FGD4: variants seen among roughly 807,000 people sequenced by gnomAD.
FGD4 encodes the protein FYVE, RhoGEF and PH domain containing 4.
In FGD4, 42 loss-of-function variants were observed where a neutral mutation model predicts 102.0. The ratio of observed to expected loss-of-function variants is 0.41; its 90% CI spans 0.32 to 0.53. The LOEUF is 0.53. FGD4 is among the 20% of genes least tolerant of loss of function. The probability of loss-of-function intolerance (pLI) is 0.21; values close to 1 mark genes in which losing one functional copy is unlikely to be tolerated. For missense variants in FGD4, 902 were observed against 1,078.2 expected, an observed-to-expected ratio of 0.84 and a Z score of 2.29; for synonymous variants, 380 against 375.7, an observed-to-expected ratio of 1.01 and a Z score of -0.13.
chr12:32,584,508 G>C (rs978086813), intron 4 of FGD4, among the ~76,000 whole-genome samples: 1 of 152,048 alleles, frequency 6.6e-6, no homozygotes, highest in Non-Finnish European at 1.5e-5. Flanking sequence ...GTATGAGCTT[G>C]AACAAGTCAA....
At chr12:32,402,416 A>G (rs1415416052) in intron 1 of FGD4, among the ~76,000 whole-genome samples, 2 of 149,526 alleles carry the variant, frequency 1.3e-5, no homozygotes, top group Middle Eastern at 3.2e-3. Flanking sequence ...AGGGAGAGGG[A>G]GAGAGAGAGA....
rs113353069 is a variant in FGD4, at chr12:32,590,125, T to C, written c.1011+7658T>C. Among the ~76,000 whole-genome samples, 666 of 152,094 alleles carry C rather than the reference T, an allele frequency of 4.4e-3. 7 individuals carry two copies. The highest frequency in any genetic ancestry group is 0.015 in the African/African-American group (637 of 41,484). ...GAGTTCTAGACCAGCCTGGCCAACA[T>C]GGTGAAACCTCGTCTCTACTAAAAA... On this transcript the variant is annotated intron_variant, in intron 4 of 16. Coordinates refer to ENST00000534526, the MANE Select transcript of FGD4 (RefSeq NM_001370298.3).
At chr12:32,504,585 C>A (rs761872720) in intron 1 of FGD4, among the ~76,000 whole-genome samples, 6 of 152,210 alleles carry the variant, frequency 3.9e-5, no homozygotes, top group Admixed American at 2.0e-4. Flanking sequence ...TTTCTTCCAA[C>A]TTTTCCAACT....
intron 1 of FGD4, among the ~76,000 whole-genome samples, chr12:32,560,328 T>C (rs1257013433): frequency 6.6e-6 from 1 of 152,218 alleles, no homozygotes; most frequent in East Asian, 1.9e-4. Flanking sequence ...CACGGCTCAC[T>C]GTGGCCTCAA....
intron 1 of FGD4, among the ~76,000 whole-genome samples, chr12:32,534,739 C>T (rs1357024291): frequency 6.6e-6 from 1 of 152,104 alleles, no homozygotes; most frequent in Non-Finnish European, 1.5e-5. Flanking sequence ...GTTTCTCTGG[C>T]TTATTTTTAT....
chr12:32,523,102 C>T (rs1417757847), intron 1 of FGD4, among the ~76,000 whole-genome samples: 1 of 152,110 alleles, frequency 6.6e-6, no homozygotes, highest in Admixed American at 6.5e-5. Context: ...CTGTAAACCC[C>T]CTCCCGGGTC....
chr12:32,595,044 A>C (rs1010783427), intron 4 of FGD4, among the ~76,000 whole-genome samples: 8 of 151,734 alleles, frequency 5.3e-5, no homozygotes, highest in Non-Finnish European at 1.0e-4. Context: ...AAAAAAAAAA[A>C]AACAACACAG....
chr12:32,623,349 AT>A (rs1252146745), intron 11 of FGD4, among the ~76,000 whole-genome samples: 4 of 152,170 alleles, frequency 2.6e-5, no homozygotes, highest in Admixed American at 1.3e-4. Context: ...GAGTTTTTTA[AT>A]TTAAAAAAAA....
intron 1 of FGD4, among the ~76,000 whole-genome samples, chr12:32,425,868 C>G (rs1036695402): frequency 6.6e-6 from 1 of 152,108 alleles, no homozygotes; most frequent in African/African-American, 2.4e-5. Flanking sequence ...ATTTGGCTCT[C>G]TGTTATTGGT....
chr12:32,524,286 C>T (rs1237823933), intron 1 of FGD4, among the ~76,000 whole-genome samples: 3 of 147,452 alleles, frequency 2.0e-5, no homozygotes, highest in African/African-American at 7.5e-5. Context: ...GTCCCAGCTA[C>T]TCGGGAGGCT....
chr12:32,615,648 G>C (rs1392562798), intron 10 of FGD4, among the ~76,000 whole-genome samples: 3 of 151,950 alleles, frequency 2.0e-5, no homozygotes, highest in Non-Finnish European at 4.4e-5. Context: ...GGCAGATCGG[G>C]GTGGGGTGGG....
chr12:32,454,809 G>A (rs995238971), intron 1 of FGD4, among the ~76,000 whole-genome samples: 7 of 152,096 alleles, frequency 4.6e-5, no homozygotes, highest in Admixed American at 1.3e-4. Flanking sequence ...TTTCTTTTAA[G>A]TTGCCTTTTT....
chr12:32,443,936 C>T (rs1942530924), intron 1 of FGD4, among the ~76,000 whole-genome samples: 1 of 151,246 alleles, frequency 6.6e-6, no homozygotes, highest in Non-Finnish European at 1.5e-5. Context: ...GACAGATTTA[C>T]TTATTTTGAA....
intron 11 of FGD4, 93 bp downstream of exon 11, chr12:32,619,963 A>C (rs1268045267): frequency 7.1e-7 from 1 of 1,414,532 alleles, no homozygotes; most frequent in Non-Finnish European, 9.9e-7. Context: ...TTCTCAAGTG[A>C]ATGCTGCATA....
chr12:32,567,560 C>T (rs1436434193), intron 2 of FGD4, among the ~76,000 whole-genome samples: 1 of 152,008 alleles, frequency 6.6e-6, no homozygotes, highest in South Asian at 2.1e-4. Flanking sequence ...ACAAAGAATT[C>T]GTACAAACTA....
At chr12:32,624,562 C>A in intron 12 of FGD4, 110 bp downstream of exon 12, 1 of 934,204 alleles carries the variant, frequency 1.1e-6, no homozygotes, top group South Asian at 1.4e-5. Flanking sequence ...CAGCCTCTGT[C>A]TGGGCTCAAG....
chr12:32,621,177 C>G (rs1348673162), intron 11 of FGD4, among the ~76,000 whole-genome samples: 2 of 152,096 alleles, frequency 1.3e-5, no homozygotes, highest in African/African-American at 4.8e-5. Context: ...GAGTTCTAGA[C>G]CAGCCTGGCC....
chr12:32,562,568 A>C (rs538227883), intron 1 of FGD4, among the ~76,000 whole-genome samples: 1 of 152,302 alleles, frequency 6.6e-6, no homozygotes, highest in African/African-American at 2.4e-5. Flanking sequence ...GGCCTTCCGC[A>C]GTGTTTGTGT....
chr12:32,448,784 C>A (rs945116894), intron 1 of FGD4, among the ~76,000 whole-genome samples: 1 of 152,054 alleles, frequency 6.6e-6, no homozygotes, highest in Non-Finnish European at 1.5e-5. Context: ...CTCATCACTT[C>A]CTGTAGGCTG....
Sources: gnomAD v4.1 joint callset for allele counts (sites outside exome capture counted in the v4.1 genomes callset) on GRCh38, gnomAD v4.1.1 for gene constraint, MANE v1.5 for transcripts, NCBI Gene and HGNC (gene_info 2026-07-23, HGNC 2026-07-21) for gene names.